Variants in MTUS2 observed in about 807,000 individuals in gnomAD.
MTUS2 encodes microtubule-associated tumor suppressor candidate 2.
A neutral mutation model predicts 114.1 loss-of-function variants in MTUS2; 40 were observed. The ratio of observed to expected loss-of-function variants is 0.35; its 90% CI spans 0.27 to 0.46. MTUS2 has a LOEUF of 0.46. MTUS2 is among the 20% of genes least tolerant of loss of function. MTUS2 has a pLI of 1.00. For synonymous variants in MTUS2, 688 were observed against 672.0 expected (o/e 1.02, Z -0.37); for missense variants, 1,679 against 1,705.4 (o/e 0.98, Z 0.27).
chr13:29,358,012 A>G (rs1869893631), intron 7 of MTUS2, among the ~76,000 whole-genome samples: 1 of 152,142 alleles, frequency 6.6e-6, no homozygotes, highest in Non-Finnish European at 1.5e-5. Context: ...GGTTTGTTTT[A>G]TATGTTGCTC....
chr13:29,133,451 G>A (rs771892787), intron 5 of MTUS2, among the ~76,000 whole-genome samples: 1 of 152,070 alleles, frequency 6.6e-6, no homozygotes, highest in Non-Finnish European at 1.5e-5. Flanking sequence ...TGAAGCTTTT[G>A]TCCTGTTTTC....
intron 8 of MTUS2, among the ~76,000 whole-genome samples, chr13:29,376,021 GTGTGTGTATATA>G (rs1566164192): frequency 3.2e-4 from 9 of 28,062 alleles, no homozygotes; most frequent in African/African-American, 7.1e-4. Flanking sequence ...GTGTATGTAT[GTGTGTGTATATA>G]TATATATGTG....
intron 5 of MTUS2, among the ~76,000 whole-genome samples, chr13:29,232,316 A>G (rs56085233): frequency 0.16 from 3,357 of 20,614 alleles, 56 homozygotes; most frequent in East Asian, 0.44. Context: ...GCACACACAC[A>G]CACACACGCA....
intron 6 of MTUS2, among the ~76,000 whole-genome samples, chr13:29,301,591 G>A (rs1899207154): frequency 6.6e-6 from 1 of 152,192 alleles, no homozygotes; most frequent in Admixed American, 6.5e-5. Context: ...AATGAGCTTT[G>A]AAGTTAGACC....
intron 8 of MTUS2, 110 bp downstream of exon 8, chr13:29,359,583 G>A: frequency 2.4e-6 from 3 of 1,226,376 alleles, no homozygotes; most frequent in Non-Finnish European, 3.4e-6. Context: ...TTTGATCAGA[G>A]TGGAGTTTGG....
At chr13:29,395,657 A>G (rs1304886081) in intron 8 of MTUS2, among the ~76,000 whole-genome samples, 2 of 152,246 alleles carry the variant, frequency 1.3e-5, no homozygotes, top group Non-Finnish European at 2.9e-5. Context: ...CCTGAAATCC[A>G]TATTTATAAT....
At chr13:29,180,004 G>A (rs1893931622) in intron 5 of MTUS2, among the ~76,000 whole-genome samples, 1 of 152,216 alleles carries the variant, frequency 6.6e-6, no homozygotes, top group Admixed American at 6.5e-5. Context: ...ACTGTGTTAG[G>A]TGAAGCGAAA....
chr13:28,893,526 G>T (rs779512767), intron 2 of MTUS2, among the ~76,000 whole-genome samples: 5 of 152,156 alleles, frequency 3.3e-5, no homozygotes, highest in Non-Finnish European at 7.3e-5. Context: ...CCAGGCACAG[G>T]CTATATTATT....
At chr13:29,461,639 AG>A (rs1879504973) in intron 9 of MTUS2, among the ~76,000 whole-genome samples, 2 of 152,322 alleles carry the variant, frequency 1.3e-5, no homozygotes, top group East Asian at 3.9e-4. Context: ...AGTTGTGTGT[AG>A]ACCCCAGAGT....
intron 9 of MTUS2, among the ~76,000 whole-genome samples, 187 bp downstream of exon 9, chr13:29,440,236 C>T (rs7337496): frequency 0.67 from 101,451 of 152,060 alleles, 34,583 homozygotes; most frequent in Non-Finnish European, 0.75. Context: ...TTCACGTCTC[C>T]GTTGTTATAA....
At chr13:29,442,632 G>GGAGTT (rs59017285) in intron 9 of MTUS2, among the ~76,000 whole-genome samples, 144,985 of 152,268 alleles carry the variant, frequency 0.95, 69,089 homozygotes, top group Admixed American at 0.98. Context: ...CCCCAAACCA[G>GGAGTT]CACAGGGAGG....
chr13:29,245,024 T>C (rs900361155), intron 5 of MTUS2, among the ~76,000 whole-genome samples: 5 of 147,216 alleles, frequency 3.4e-5, no homozygotes, highest in South Asian at 2.2e-4. Context: ...CATATTAGGC[T>C]AGGGTATTGG....
chr13:29,160,002 C>T (rs1206625432), intron 5 of MTUS2, among the ~76,000 whole-genome samples: 1 of 152,196 alleles, frequency 6.6e-6, no homozygotes, highest in African/African-American at 2.4e-5. Context: ...GCATTTATCC[C>T]AGAGCAATGA....
rs569672495 is a variant in MTUS2 at position 28,950,805 on chromosome 13, T to C, written c.-242-73652T>C. On this transcript the variant is annotated intron_variant, in intron 2 of 15. Coordinates refer to ENST00000612955, the MANE Select transcript of MTUS2 (RefSeq NM_001033602.4). Reference sequence around the variant, plus strand: ...ATTAATAATGAAAAAGTTTGAAATATTGTGAGAATTATCAAAATGTGACAT... The same window carrying C: ...ATTAATAATGAAAAAGTTTGAAATACTGTGAGAATTATCAAAATGTGACAT... Among the ~76,000 whole-genome samples the C allele has an allele frequency of 3.9e-5, 6 of 152,294 alleles. No individual in the cohort carries two copies. The South Asian group carries it at 1.2e-3, about 32-fold the overall frequency.
chr13:28,851,538 G>A lies in MTUS2; in HGVS notation c.-243+11688G>A, dbSNP rs186193570. Among the ~76,000 whole-genome samples, 217 of 152,336 alleles carry A rather than the reference G, an allele frequency of 1.4e-3. 1 individual carries two copies. The highest frequency in any genetic ancestry group is 2.6e-3 in the Non-Finnish European group (180 of 68,028). On this transcript the variant is annotated intron_variant, in intron 2 of 15. Coordinates refer to ENST00000612955, the MANE Select transcript of MTUS2 (RefSeq NM_001033602.4). ...AGAGATACGAAGATATATATGATAT[G>A]GTTCTTGCCCTCCAGGCACTTAGAG...
At chr13:29,349,478 A>C (rs1869037569) in intron 7 of MTUS2, among the ~76,000 whole-genome samples, 1 of 151,976 alleles carries the variant, frequency 6.6e-6, no homozygotes, top group Admixed American at 6.6e-5. Flanking sequence ...TGCCATTTTT[A>C]GTATTTTTTA....
intron 2 of MTUS2, among the ~76,000 whole-genome samples, chr13:28,842,995 G>A (rs1875615826): frequency 6.6e-6 from 1 of 152,192 alleles, no homozygotes; most frequent in Non-Finnish European, 1.5e-5. Context: ...AGCCAGACAT[G>A]CCTGTTGCCA....
intron 2 of MTUS2, among the ~76,000 whole-genome samples, chr13:28,919,996 T>C (rs1057141503): frequency 1.3e-5 from 2 of 152,210 alleles, no homozygotes; most frequent in Non-Finnish European, 2.9e-5. Flanking sequence ...TTTCTTTGAG[T>C]TTCCTCAACA....
intron 2 of MTUS2, among the ~76,000 whole-genome samples, chr13:28,885,069 T>TC (rs1303755753): frequency 1.1e-4 from 17 of 152,290 alleles, no homozygotes; most frequent in Middle Eastern, 3.4e-3. Flanking sequence ...TGGTCATTAA[T>TC]CCCCCCAAGT....
Sources: allele counts gnomAD v4.1 joint callset (sites outside exome capture counted in the v4.1 genomes callset), GRCh38; gene constraint gnomAD v4.1.1; transcripts MANE v1.5; gene names NCBI Gene and HGNC (gene_info 2026-07-23, HGNC 2026-07-21).